Variants in CNN3 observed in about 807,000 individuals in gnomAD.
CNN3 encodes calponin 3, also known as calponin-3.
A neutral mutation model predicts 39.0 loss-of-function variants in CNN3; 11 were observed. The ratio of observed to expected loss-of-function variants is 0.28; its 90% CI spans 0.18 to 0.47. CNN3 has a LOEUF of 0.47. Ranked by LOEUF, CNN3 falls within the 20% of genes least tolerant of loss-of-function variation. The pLI is 0.99. For synonymous variants in CNN3, 101 were observed against 138.3 expected (o/e 0.73, Z 1.89); for missense variants, 266 against 403.4 (o/e 0.66, Z 2.92).
chr1:94,905,324 G>A (rs1008208102), intron 1 of CNN3, among the ~76,000 whole-genome samples: 6 of 152,156 alleles, frequency 3.9e-5, no homozygotes, highest in African/African-American at 1.2e-4. Flanking sequence ...CCGTTTCCCA[G>A]GTCAAGTAGG....
At position 94,926,119 on chromosome 1, in the gene CNN3, G is replaced by A. The variant is rs1671571389; in HGVS notation, c.57+719C>T. ...ACCCACAAAAATAATCCTTTATGTC[G>A]TGAAAGTCTAATGTACTTCAAACTT... On this transcript the variant is annotated intron_variant, in intron 1 of 6. Transcript: ENST00000370206. The surrounding 1 kb of genome is among the most constrained non-coding windows in gnomAD (Gnocchi z 4.2). 6.6e-6 allele frequency among the ~76,000 whole-genome samples: 1 copy of A among 152,212 alleles called. No homozygotes were observed. Among genetic ancestry groups the A allele is most frequent in the Admixed American group, 6.5e-5 (1 of 15,290 alleles).
chr1:94,921,353 C>T (rs1241752223), intron 1 of CNN3, among the ~76,000 whole-genome samples: 4 of 152,046 alleles, frequency 2.6e-5, no homozygotes, highest in Non-Finnish European at 5.9e-5. Flanking sequence ...CGAGATCGTA[C>T]GACCTCACTC....
At chr1:94,910,510 T>C (rs1387002719) in intron 1 of CNN3, among the ~76,000 whole-genome samples, 1 of 152,206 alleles carries the variant, frequency 6.6e-6, no homozygotes, top group African/African-American at 2.4e-5. Context: ...CACTATCACT[T>C]GCTATTCTTG....
chr1:94,923,770 A>G (rs1304737482), intron 1 of CNN3, among the ~76,000 whole-genome samples: 1 of 152,228 alleles, frequency 6.6e-6, no homozygotes, highest in Non-Finnish European at 1.5e-5. Flanking sequence ...TAGAAATATA[A>G]TACTAAAAAC....
At chr1:94,900,653 A>G (rs1319552975) in intron 5 of CNN3, among the ~76,000 whole-genome samples, 1 of 152,228 alleles carries the variant, frequency 6.6e-6, no homozygotes, top group Non-Finnish European at 1.5e-5. Flanking sequence ...GCATAGACTC[A>G]GTAGAAAGGG....
At chr1:94,912,889 T>C (rs570471736) in intron 1 of CNN3, among the ~76,000 whole-genome samples, 10 of 152,318 alleles carry the variant, frequency 6.6e-5, no homozygotes, top group South Asian at 2.1e-4. Flanking sequence ...AAGTCCAGTT[T>C]AGTAACCCTA....
At chr1:94,900,654 G>T (rs1195086723) in intron 5 of CNN3, among the ~76,000 whole-genome samples, 2 of 152,180 alleles carry the variant, frequency 1.3e-5, no homozygotes, top group Non-Finnish European at 2.9e-5. Context: ...CATAGACTCA[G>T]TAGAAAGGGG....
chr1:94,901,591 G>A, intron 5 of CNN3, 78 bp downstream of exon 5: 2 of 984,904 alleles, frequency 2.0e-6, no homozygotes, highest in Admixed American at 1.8e-5. Context: ...TCTATTCTTA[G>A]GAGAGGCTTA....
At chr1:94,917,317 C>T (rs887683995) in intron 1 of CNN3, among the ~76,000 whole-genome samples, 12 of 152,094 alleles carry the variant, frequency 7.9e-5, no homozygotes, top group Admixed American at 5.2e-4. Context: ...GGATTACAGG[C>T]GTGAGCCACT....
At chr1:94,908,809 G>A (rs939664713) in intron 1 of CNN3, among the ~76,000 whole-genome samples, 1 of 151,642 alleles carries the variant, frequency 6.6e-6, no homozygotes, top group African/African-American at 2.4e-5. Flanking sequence ...CCAAAGTGCT[G>A]GGATTACGCC....
intron 1 of CNN3, among the ~76,000 whole-genome samples, chr1:94,910,157 C>CT (rs1671121105): frequency 6.6e-6 from 1 of 152,198 alleles, no homozygotes; most frequent in African/African-American, 2.4e-5. Context: ...TCCAAACTCT[C>CT]TAAGTAAACT....
Position 94,925,726 on chromosome 1 carries a change from G to C in CNN3, c.57+1112C>G, listed in dbSNP as rs1043816369. The C allele has an allele frequency of 1.8e-5, 18 of 985,352 alleles. No individual in the cohort carries two copies. In the African/African-American group the frequency reaches 3.1e-4, roughly 17 times the overall value. 61.0% of individuals were successfully genotyped at this position (985,352 alleles called of 1,614,324 possible). ...AGTGCCTTCCACCAGCGGTCGGACG[G>C]TGCGGTGGCAATCCTGACATGCTTG... On this transcript the variant is annotated intron_variant, in intron 1 of 6. Coordinates refer to ENST00000370206, the MANE Select transcript of CNN3 (RefSeq NM_001839.5).
chr1:94,905,931 C>T (rs186347957), intron 1 of CNN3, among the ~76,000 whole-genome samples: 158 of 152,194 alleles, frequency 1.0e-3, no homozygotes, highest in African/African-American at 3.6e-3. Flanking sequence ...TCAAATAAAC[C>T]CATTTTTATG....
chr1:94,925,813 A>G (rs2101746521), intron 1 of CNN3: 9 of 985,454 alleles, frequency 9.1e-6, no homozygotes, highest in South Asian at 9.4e-5. Context: ...CGCTTTGGCC[A>G]GAACAGCAGA....
intron 1 of CNN3, among the ~76,000 whole-genome samples, chr1:94,907,315 T>C (rs1671028066): frequency 6.6e-6 from 1 of 152,218 alleles, no homozygotes; most frequent in East Asian, 1.9e-4. Context: ...TTCTAGTAAG[T>C]GAGCTTTATG....
At chr1:94,918,192 T>G (rs990656814) in intron 1 of CNN3, among the ~76,000 whole-genome samples, 5 of 152,070 alleles carry the variant, frequency 3.3e-5, no homozygotes, top group African/African-American at 1.2e-4. Context: ...TATTGCCCAG[T>G]TGTAGAAAGG....
intron 1 of CNN3, chr1:94,925,820 CAG>C (rs1557918470): frequency 1.0e-6 from 1 of 985,272 alleles, no homozygotes; most frequent in African/African-American, 1.7e-5. Flanking sequence ...GCCAGAACAG[CAG>C]AAAGGAGACA....
intron 5 of CNN3, among the ~76,000 whole-genome samples, chr1:94,900,074 T>C (rs916735564): frequency 6.6e-5 from 10 of 152,224 alleles, no homozygotes; most frequent in Admixed American, 3.9e-4. Flanking sequence ...AATGAGGAAT[T>C]TGAACTCAGC....
At chr1:94,914,756 T>C (rs1437058012) in intron 1 of CNN3, among the ~76,000 whole-genome samples, 5 of 152,238 alleles carry the variant, frequency 3.3e-5, no homozygotes, top group Non-Finnish European at 7.3e-5. Flanking sequence ...GGAAATCGAA[T>C]TTTAAACATG....
Sources: gnomAD v4.1 joint callset for allele counts (sites outside exome capture counted in the v4.1 genomes callset) on GRCh38, gnomAD v4.1.1 for gene constraint, Gnocchi (gnomAD v3.1) non-coding constraint, MANE v1.5 for transcripts, NCBI Gene and HGNC (gene_info 2026-07-23, HGNC 2026-07-21) for gene names.